Variants in PCDHGB1 observed in about 807,000 individuals in gnomAD.
PCDHGB1 encodes the protein protocadherin gamma subfamily B, 1.
Under a neutral mutation model 56.6 loss-of-function variants are expected in PCDHGB1, and 34 were observed. The ratio of observed to expected loss-of-function variants is 0.60; its 90% CI spans 0.46 to 0.80. The LOEUF (loss-of-function observed/expected upper bound fraction) is 0.80. Ranked by LOEUF, PCDHGB1 falls within the 30% of genes least tolerant of loss-of-function variation. The pLI is 0.00. For synonymous variants in PCDHGB1, 561 were observed against 505.9 expected (o/e 1.11, Z -1.46); for missense variants, 1,278 against 1,204.6 (o/e 1.06, Z -0.90).
chr5:141,487,127 A>T lies in PCDHGB1; in HGVS notation c.2410-7680A>T. ...GGTCATTGTGGTAAAGGATAGTGGT[A>T]GTCCACCACTCTCTACCTCTGTTAC... On this transcript the variant is annotated intron_variant, in intron 1 of 3. Coordinates refer to ENST00000523390, the MANE Select transcript of PCDHGB1 (RefSeq NM_018922.3). The surrounding 1 kb of genome is among the most constrained non-coding windows in gnomAD (Gnocchi z 5.0). 6.2e-7 allele frequency: 1 copy of T among 1,613,334 alleles called. No individual in the cohort carries two copies. Among genetic ancestry groups the T allele is most frequent in the Admixed American group, 1.7e-5 (1 of 60,026 alleles).
intron 1 of PCDHGB1, among the ~76,000 whole-genome samples, chr5:141,472,711 C>T (rs1014451209): frequency 4.6e-5 from 7 of 151,904 alleles, no homozygotes; most frequent in Admixed American, 2.0e-4. Context: ...ACAGGCCAGG[C>T]GCTGTGGCTC....
At chr5:141,481,913 C>CAAAAAA (rs34114744) in intron 1 of PCDHGB1, among the ~76,000 whole-genome samples, 2 of 90,846 alleles carry the variant, frequency 2.2e-5, no homozygotes, top group Non-Finnish European at 4.4e-5. Flanking sequence ...AACTCCATCT[C>CAAAAAA]AAAAAAAAAA....
intron 1 of PCDHGB1, among the ~76,000 whole-genome samples, chr5:141,435,592 C>T (rs573084790): frequency 1.3e-5 from 2 of 152,060 alleles, no homozygotes; most frequent in African/African-American, 2.4e-5. Flanking sequence ...GCAGTAATAT[C>T]GCCTGCTTTT....
chr5:141,388,743 A>G (rs1228676619), intron 1 of PCDHGB1: 1 of 1,613,916 alleles, frequency 6.2e-7, no homozygotes, highest in Non-Finnish European at 8.5e-7. Context: ...AGCTAGCCAG[A>G]TCACCCAATT....
At position 141,352,670 on chromosome 5, in the gene PCDHGB1, G is replaced by T; in HGVS notation, c.2409+1G>T. Reference sequence around the variant, plus strand: ...TTATGACCCTTCTTTGTCTTCGCACGTGAGTTTCTGCAAATCTAGTTAAAT... The same window carrying T: ...TTATGACCCTTCTTTGTCTTCGCACTTGAGTTTCTGCAAATCTAGTTAAAT... On this transcript the variant is annotated splice_donor_variant, in intron 1 of 3. Transcript: ENST00000523390. LOFTEE classifies it high-confidence loss of function. 2 of 1,579,078 alleles carry T rather than the reference G, an allele frequency of 1.3e-6. No individual in the cohort carries two copies. Among genetic ancestry groups the T allele is most frequent in the Non-Finnish European group, 1.7e-6 (2 of 1,161,520 alleles).
chr5:141,512,897 C>T lies in PCDHGB1; in HGVS notation c.*1724C>T, dbSNP rs1482341871. ...CTCCCACCCCACCCTCTTCCTGTGT[C>T]TCACGCAAGTTTTATACTCTAATAT... On this transcript the variant is annotated 3_prime_UTR_variant, in exon 4 of 4. Coordinates refer to ENST00000523390, the MANE Select transcript of PCDHGB1 (RefSeq NM_018922.3). 1.3e-5 allele frequency: 2 copies of T among 152,274 alleles called. No homozygotes were observed. The highest frequency in any genetic ancestry group is 4.8e-5 in the African/African-American group (2 of 41,470). The allele number at this position is 152,274 out of a possible 1,614,324, so 9.4% of individuals were successfully genotyped here. A position where few individuals can be genotyped will look rare whatever the true frequency, so the allele number is the denominator to read the frequency against.
intron 1 of PCDHGB1, among the ~76,000 whole-genome samples, chr5:141,405,659 G>A (rs867774573): frequency 2.0e-5 from 3 of 152,106 alleles, no homozygotes; most frequent in Non-Finnish European, 4.4e-5. Flanking sequence ...TGTGTTTTTA[G>A]TAGAGACGGG....
At chr5:141,383,857 C>T (rs1779530315) in intron 1 of PCDHGB1, 2 of 1,613,810 alleles carry the variant, frequency 1.2e-6, no homozygotes, top group Non-Finnish European at 1.7e-6. Context: ...AATGGAGGTT[C>T]AGGCTCAAGA....
At chr5:141,422,640 C>T in intron 1 of PCDHGB1, 1 of 1,612,590 alleles carries the variant, frequency 6.2e-7, no homozygotes, top group South Asian at 1.1e-5. Flanking sequence ...GGGGTGCCTC[C>T]ATCTTCTCAG....
In PCDHGB1 at chr5:141,477,813, A is replaced by T; in HGVS notation, c.2410-16994A>T. ...ACTGATCGCAATGACAATGCCCCCC[A>T]GGTCCTATATCCTCGGCCAGGTGGG... On this transcript the variant is annotated intron_variant, in intron 1 of 3. Coordinates refer to ENST00000523390, the MANE Select transcript of PCDHGB1 (RefSeq NM_018922.3). The surrounding 1 kb of genome is among the most constrained non-coding windows in gnomAD (Gnocchi z 4.9). The T allele has an allele frequency of 6.2e-7, 1 of 1,614,122 alleles. No homozygotes were observed. The highest frequency in any genetic ancestry group is 1.1e-5 in the South Asian group (1 of 91,084).
chr5:141,376,118 G>T, intron 1 of PCDHGB1: 1 of 1,613,826 alleles, frequency 6.2e-7, no homozygotes, highest in Non-Finnish European at 8.5e-7. Context: ...GGGCAGCCTC[G>T]AGCCCTCCGC....
intron 1 of PCDHGB1, chr5:141,356,817 C>T (rs553662641): frequency 1.2e-6 from 2 of 1,613,926 alleles, no homozygotes; most frequent in Admixed American, 3.3e-5. Flanking sequence ...ACAGTGGAGA[C>T]CCTCCACTCA....
At chr5:141,366,709 G>C in intron 1 of PCDHGB1, 4 of 1,614,228 alleles carry the variant, frequency 2.5e-6, no homozygotes, top group Non-Finnish European at 2.5e-6. Flanking sequence ...CTCTTCTGAT[G>C]TCTGATAAGG....
Position 141,371,971 on chromosome 5 carries a change from G to A in PCDHGB1, c.2409+19302G>A, listed in dbSNP as rs372239619. On this transcript the variant is annotated intron_variant, in intron 1 of 3. Transcript: ENST00000523390. ...CGAGCCTTCGACCACGAGCAGCTGC[G>A]TGCCTTCGAGCTCACTCTGCAGGCC... 12 of 1,612,438 alleles carry A rather than the reference G, an allele frequency of 7.4e-6. No homozygotes were observed. Among genetic ancestry groups the A allele is most frequent in the African/African-American group, 6.7e-5 (5 of 75,070 alleles).
rs1244735686 is a variant in PCDHGB1 at position 141,432,142 on chromosome 5, C to A, written c.2410-62665C>A. 1 of 1,614,098 alleles carries A rather than the reference C, an allele frequency of 6.2e-7. No homozygotes were observed. The highest frequency in any genetic ancestry group is 1.1e-5 in the South Asian group (1 of 91,066). On this transcript the variant is annotated intron_variant, in intron 1 of 3. Transcript: ENST00000523390. This position sits in a 1 kb window ranked among gnomAD's most constrained non-coding sequence, Gnocchi z 6.0. ...CTCAGGCCTCCTATTCCGCTTATAT[C>A]CCAGAGAACAATCCCAGAGGAGTTT...
rs1760008721 is a variant in PCDHGB1 at position 141,355,838 on chromosome 5, C to CGGCCT, written c.2409+3170_2409+3174dup. On this transcript the variant is annotated intron_variant, in intron 1 of 3. Transcript: ENST00000523390. ...GAGGCGGTTCACCACCTCGTTCTCA[C>CGGCCT]GGCCTTCGATGGAGGTGACCCGGTT... is the stretch of plus-strand genomic sequence containing the variant. 2.5e-6 allele frequency: 4 copies of CGGCCT among 1,611,996 alleles called. No individual in the cohort carries two copies. In the South Asian group the frequency reaches 4.4e-5, roughly 18 times the overall value.
In PCDHGB1 at chr5:141,450,826, A is replaced by AT. The variant is rs764729742; in HGVS notation, c.2410-43979dup. On this transcript the variant is annotated intron_variant, in intron 1 of 3. Coordinates refer to ENST00000523390, the MANE Select transcript of PCDHGB1 (RefSeq NM_018922.3). ...TATTTATTTATTTAATATTATTATT[A>AT]TTATTTTTTTTTTTTTGAGATGGGG... Among the ~76,000 whole-genome samples, 613 of 134,334 alleles carry AT rather than the reference A, an allele frequency of 4.6e-3. 5 individuals are homozygous for AT. Among genetic ancestry groups the AT allele is most frequent in the African/African-American group, 9.0e-3 (309 of 34,288 alleles). 88.1% of individuals were successfully genotyped at this position (134,334 alleles called of 152,430 possible).
intron 1 of PCDHGB1, chr5:141,403,610 C>T: frequency 6.2e-7 from 1 of 1,613,860 alleles, no homozygotes; most frequent in Non-Finnish European, 8.5e-7. Context: ...TGGCGGCGAG[C>T]CGCGTCGCTC....
At chr5:141,403,119 C>T in intron 1 of PCDHGB1, 1 of 1,614,060 alleles carries the variant, frequency 6.2e-7, no homozygotes, top group Non-Finnish European at 8.5e-7. Flanking sequence ...GCTCTGGAGC[C>T]CCGGGAGCTG....
Sources: allele counts gnomAD v4.1 joint callset (sites outside exome capture counted in the v4.1 genomes callset), GRCh38; gene constraint gnomAD v4.1.1; non-coding constraint Gnocchi (gnomAD v3.1); transcripts MANE v1.5; gene names NCBI Gene and HGNC (gene_info 2026-07-23, HGNC 2026-07-21).